The following SPOP variants were observed in gnomAD, a reference collection of about 807,000 sequenced individuals.
The protein encoded by SPOP is speckle-type POZ protein.
Under a neutral mutation model 45.6 loss-of-function variants are expected in SPOP, and 11 were observed. The ratio of observed to expected loss-of-function variants is 0.24; its 90% confidence interval spans 0.15 to 0.40. The LOEUF (loss-of-function observed/expected upper bound fraction) is 0.40, where lower values mean the gene tolerates loss of function less well. Ranked by LOEUF, SPOP falls within the 10% of genes least tolerant of loss-of-function variation. The pLI, the probability that SPOP is intolerant of heterozygous loss-of-function variation, is 1.00. For missense variants in SPOP, 152 were observed against 465.6 expected (o/e 0.33, Z 6.20); for synonymous variants, 166 against 166.3 (o/e 1.00, Z 0.01).
chr17:49,625,155 A>T (rs1402662685), intron 1 of SPOP, among the ~76,000 whole-genome samples: 1 of 152,226 alleles, frequency 6.6e-6, no homozygotes. Context: ...GCTGTCCTAG[A>T]GAAACGCTAA....
At chr17:49,673,374 C>A (rs58259248) in intron 1 of SPOP, among the ~76,000 whole-genome samples, 1 of 151,800 alleles carries the variant, frequency 6.6e-6, no homozygotes, top group South Asian at 2.1e-4. Flanking sequence ...GGCGTGGTGG[C>A]GGGCGCCTGT....
chr17:49,601,907 C>G lies in SPOP; in HGVS notation c.938G>C (p.Ser313Thr). 6.2e-7 allele frequency: 1 copy of G among 1,614,160 alleles called. No individual in the cohort carries two copies. Among genetic ancestry groups the G allele is most frequent in the Non-Finnish European group, 8.5e-7 (1 of 1,180,004 alleles). ...AEILILADLHSADQLKTQAVD... is the reference protein window; with the variant it reads ...AEILILADLHTADQLKTQAVD... ...TGCCTGAGTTTTCAACTGATCTGCA[C>G]TGTGGAGGTCGGCCAGGATGAGAAT... The change falls in exon 9 of 10, where the codon AGT becomes ACT. Residue 313 changes from serine to threonine, a missense_variant. Coordinates refer to ENST00000504102, the MANE Select transcript of SPOP (RefSeq NM_001007228.2).
At chr17:49,650,052 C>T (rs990420983) in intron 1 of SPOP, among the ~76,000 whole-genome samples, 1 of 151,206 alleles carries the variant, frequency 6.6e-6, no homozygotes, top group Non-Finnish European at 1.5e-5. Flanking sequence ...CCACCATGCC[C>T]GGCTAATTTT....
At position 49,648,907 on chromosome 17, in the gene SPOP, G is replaced by A. The variant is rs551413884; in HGVS notation, c.-66-26031C>T. On this transcript the variant is annotated intron_variant, in intron 1 of 9. Coordinates refer to ENST00000504102, the MANE Select transcript of SPOP (RefSeq NM_001007228.2). Reference sequence around the variant, plus strand: ...CGAGTAGCTGGGACTACAGGCGCCCGCCACCACGCCCGGCCAATCTTTTGT... The same window carrying A: ...CGAGTAGCTGGGACTACAGGCGCCCACCACCACGCCCGGCCAATCTTTTGT... Among the ~76,000 whole-genome samples, 5 of 152,058 alleles carry A rather than the reference G, an allele frequency of 3.3e-5. No individual in the cohort carries two copies. In the South Asian group the frequency reaches 8.3e-4, roughly 25 times the overall value.
chr17:49,650,810 G>A (rs536222550), intron 1 of SPOP, among the ~76,000 whole-genome samples: 1 of 152,328 alleles, frequency 6.6e-6, no homozygotes, highest in East Asian at 1.9e-4. Context: ...CAAGAAGTTT[G>A]TACCCAGAAC....
intron 1 of SPOP, among the ~76,000 whole-genome samples, chr17:49,627,732 G>GA (rs2072365145): frequency 6.6e-6 from 1 of 152,132 alleles, no homozygotes; most frequent in African/African-American, 2.4e-5. Flanking sequence ...ATTATAACCA[G>GA]AAAAAAGAAA....
At chr17:49,630,621 TA>T (rs1390128926) in intron 1 of SPOP, among the ~76,000 whole-genome samples, 1 of 152,058 alleles carries the variant, frequency 6.6e-6, no homozygotes, top group Non-Finnish European at 1.5e-5. Flanking sequence ...AAATTTTTTT[TA>T]AAAAAAATTT....
intron 1 of SPOP, among the ~76,000 whole-genome samples, chr17:49,659,470 C>T (rs1346475886): frequency 2.6e-5 from 4 of 152,158 alleles, no homozygotes; most frequent in Non-Finnish European, 5.9e-5. Context: ...CTATTGTCCA[C>T]CTCCGTTACA....
At position 49,626,861 on chromosome 17, in the gene SPOP, C is replaced by CT. The variant is rs963332782; in HGVS notation, c.-66-3986dup. On this transcript the variant is annotated intron_variant, in intron 1 of 9. Coordinates refer to ENST00000504102, the MANE Select transcript of SPOP (RefSeq NM_001007228.2). The stretch of plus-strand genomic sequence containing the variant: ...ATAAACACTATCTTACAGGAATTTC[C>CT]TTTTTTTTGAGACGGAATCTTTCTC... Among the ~76,000 whole-genome samples, 130 of 151,492 alleles carry CT rather than the reference C, an allele frequency of 8.6e-4. 1 individual carries two copies. Among genetic ancestry groups the CT allele is most frequent in the African/African-American group, 3.0e-3 (124 of 41,272 alleles).
Position 49,598,933 on chromosome 17 carries a change from G to C in SPOP, c.*1445C>G, listed in dbSNP as rs116782699. On this transcript the variant is annotated 3_prime_UTR_variant, in exon 10 of 10. Transcript: ENST00000504102. ...TTAATCTCCACATTTATGTCCCCTGGATCTTTTTATATTTAGTTAGAAGAA... is the reference window on the plus strand; with the variant it reads ...TTAATCTCCACATTTATGTCCCCTGCATCTTTTTATATTTAGTTAGAAGAA... 0.011 allele frequency: 2,120 copies of C among 188,990 alleles called. 54 individuals carry two copies. The highest frequency in any genetic ancestry group is 0.047 in the African/African-American group (2,010 of 42,900). The allele number at this position is 188,990 out of a possible 1,614,324, so 11.7% of individuals were successfully genotyped here. A position where few individuals can be genotyped will look rare whatever the true frequency, so the allele number is the denominator to read the frequency against.
chr17:49,669,001 C>T (rs1485573784), intron 1 of SPOP, among the ~76,000 whole-genome samples: 2 of 151,688 alleles, frequency 1.3e-5, no homozygotes, highest in East Asian at 3.9e-4. Flanking sequence ...TGGTATCGAT[C>T]TCCTGACCTC....
chr17:49,619,402 G>C lies in SPOP; in HGVS notation c.201-17C>G. Reference sequence around the variant, plus strand: ...CGCAAACACCTGTCCAAAACAGATAGAAAAAAAAAATGTCAAAAGCATCCA... The same window carrying C: ...CGCAAACACCTGTCCAAAACAGATACAAAAAAAAAATGTCAAAAGCATCCA... On this transcript the variant is annotated splice_polypyrimidine_tract_variant and intron_variant, in intron 3 of 9. Coordinates refer to ENST00000504102, the MANE Select transcript of SPOP (RefSeq NM_001007228.2). This position sits in a 1 kb window ranked among gnomAD's most constrained non-coding sequence, Gnocchi z 4.9. 6.9e-7 allele frequency: 1 copy of C among 1,448,802 alleles called. No homozygotes were observed. The highest frequency in any genetic ancestry group is 9.3e-7 in the Non-Finnish European group (1 of 1,078,432). 89.7% of individuals were successfully genotyped at this position (1,448,802 alleles called of 1,614,324 possible).
At chr17:49,649,888 CTTTCA>C (rs2072818337) in intron 1 of SPOP, among the ~76,000 whole-genome samples, 3 of 151,960 alleles carry the variant, frequency 2.0e-5, no homozygotes, top group Admixed American at 6.6e-5. Flanking sequence ...ACATAGTTTA[CTTTCA>C]TTTATTTATT....
At chr17:49,640,848 T>C (rs751938064) in intron 1 of SPOP, among the ~76,000 whole-genome samples, 1 of 152,156 alleles carries the variant, frequency 6.6e-6, no homozygotes, top group Non-Finnish European at 1.5e-5. Context: ...CCTTGGAGCA[T>C]TGTACGTGTC....
At chr17:49,617,661 C>T (rs2072116381) in intron 5 of SPOP, among the ~76,000 whole-genome samples, 1 of 152,102 alleles carries the variant, frequency 6.6e-6, no homozygotes, top group South Asian at 2.1e-4. Flanking sequence ...TGGTGGCTCA[C>T]ATCTGTAATC....
chr17:49,666,991 C>A (rs955278420), intron 1 of SPOP, among the ~76,000 whole-genome samples: 1 of 151,570 alleles, frequency 6.6e-6, no homozygotes, highest in Non-Finnish European at 1.5e-5. Context: ...CTAGCCTGGC[C>A]AACATGGTGA....
At chr17:49,610,510 C>T (rs1018662070) in intron 6 of SPOP, among the ~76,000 whole-genome samples, 7 of 152,310 alleles carry the variant, frequency 4.6e-5, no homozygotes, top group Non-Finnish European at 1.0e-4. Context: ...TGAGCCACCG[C>T]GCCCGTGACT....
chr17:49,676,724 T>C (rs1031320103), intron 1 of SPOP, among the ~76,000 whole-genome samples: 1 of 152,218 alleles, frequency 6.6e-6, no homozygotes, highest in Non-Finnish European at 1.5e-5. Flanking sequence ...TAAGATTTTA[T>C]CTTTTCTTCA....
chr17:49,630,390 T>C (rs528323005), intron 1 of SPOP, among the ~76,000 whole-genome samples: 197 of 152,334 alleles, frequency 1.3e-3, no homozygotes, highest in Non-Finnish European at 2.3e-3. Flanking sequence ...TTAAATGACT[T>C]TTGAATATTT....
Sources: gnomAD v4.1 joint callset for allele counts (sites outside exome capture counted in the v4.1 genomes callset) on GRCh38, gnomAD v4.1.1 for gene constraint, Gnocchi (gnomAD v3.1) non-coding constraint, MANE v1.5 for transcripts, NCBI Gene and HGNC (gene_info 2026-07-23, HGNC 2026-07-21) for gene names.